Variants in PCDH15 observed in about 807,000 individuals in gnomAD.
The protein encoded by PCDH15 is protocadherin related 15, also known as protocadherin-15.
A neutral mutation model predicts 178.5 loss-of-function variants in PCDH15; 129 were observed. The ratio of observed to expected loss-of-function variants is 0.72; its 90% confidence interval spans 0.63 to 0.84. PCDH15 has a LOEUF of 0.84. PCDH15 is among the 40% of genes least tolerant of loss of function. The pLI is 0.00. For missense variants in PCDH15, 2,230 were observed against 2,099.9 expected, an observed-to-expected ratio of 1.06 and a Z score of -1.21; for synonymous variants, 800 against 732.0, an observed-to-expected ratio of 1.09 and a Z score of -1.50.
intron 2 of PCDH15, among the ~76,000 whole-genome samples, chr10:55,139,643 G>A (rs1422493803): frequency 1.3e-5 from 2 of 151,818 alleles, no homozygotes; most frequent in Non-Finnish European, 2.9e-5. Context: ...CTGTTCCATC[G>A]ATCTGCAGAT....
chr10:54,916,365 G>A (rs995682), intron 2 of PCDH15, among the ~76,000 whole-genome samples: 148,901 of 152,230 alleles, frequency 0.98, 72,906 homozygotes, highest in East Asian at 1. Context: ...TCTTTTTAGT[G>A]AAACTTAAAT....
chr10:54,361,520 T>A (rs1946045820), intron 5 of PCDH15, among the ~76,000 whole-genome samples: 1 of 150,726 alleles, frequency 6.6e-6, no homozygotes, highest in South Asian at 2.1e-4. Flanking sequence ...CCTTTAACCT[T>A]TAATAACTAC....
intron 3 of PCDH15, among the ~76,000 whole-genome samples, chr10:54,871,462 C>G (rs1389601140): frequency 6.6e-6 from 1 of 150,498 alleles, no homozygotes; most frequent in African/African-American, 2.4e-5. Context: ...ACGTTACCAG[C>G]TTAACATCCC....
intron 2 of PCDH15, among the ~76,000 whole-genome samples, chr10:55,558,315 A>G (rs1249384350): frequency 1.3e-5 from 2 of 152,122 alleles, no homozygotes; most frequent in Non-Finnish European, 2.9e-5. Flanking sequence ...TGATCATCTT[A>G]TTTTTAAAGA....
intron 2 of PCDH15, among the ~76,000 whole-genome samples, chr10:55,489,919 T>C (rs1840375897): frequency 6.6e-6 from 1 of 151,632 alleles, no homozygotes; most frequent in South Asian, 2.1e-4. Context: ...GAAAGAAGTG[T>C]CCAAGTTTAA....
chr10:54,174,587 AGGT>A (rs1266261597), intron 13 of PCDH15, among the ~76,000 whole-genome samples: 1 of 151,752 alleles, frequency 6.6e-6, no homozygotes, highest in Admixed American at 6.6e-5. Context: ...AATTGGTAGG[AGGT>A]GGTAATAGAT....
At chr10:54,542,041 TTTAA>T (rs1201389512) in intron 2 of PCDH15, among the ~76,000 whole-genome samples, 4 of 152,220 alleles carry the variant, frequency 2.6e-5, no homozygotes, top group African/African-American at 4.8e-5. Flanking sequence ...ATTATAAGCA[TTTAA>T]TTACTTATTA....
At chr10:55,620,398 C>T (rs1000323223) in intron 2 of PCDH15, among the ~76,000 whole-genome samples, 1 of 151,758 alleles carries the variant, frequency 6.6e-6, no homozygotes, top group African/African-American at 2.4e-5. Context: ...ATTATATTCC[C>T]TCACATTTGT....
intron 3 of PCDH15, among the ~76,000 whole-genome samples, chr10:54,495,334 G>A (rs1255478801): frequency 6.6e-6 from 1 of 152,100 alleles, no homozygotes; most frequent in East Asian, 1.9e-4. Flanking sequence ...GCAAATTTGA[G>A]TTTAAATCCC....
intron 3 of PCDH15, among the ~76,000 whole-genome samples, chr10:54,820,676 A>G (rs911560420): frequency 2.0e-5 from 3 of 152,086 alleles, no homozygotes; most frequent in Admixed American, 2.0e-4. Flanking sequence ...ACCATAAAGC[A>G]ATGCGTAGTT....
At chr10:55,259,367 T>C (rs1842090966) in intron 1 of PCDH15, among the ~76,000 whole-genome samples, 1 of 151,646 alleles carries the variant, frequency 6.6e-6, no homozygotes, top group East Asian at 1.9e-4. Flanking sequence ...GAAAAGAAAA[T>C]GGGAATGCAA....
intron 16 of PCDH15, among the ~76,000 whole-genome samples, chr10:54,089,190 T>C (rs2094560774): frequency 6.6e-6 from 1 of 152,224 alleles, no homozygotes; most frequent in Non-Finnish European, 1.5e-5. Context: ...TGTTTTGGCA[T>C]TATGCCCCAC....
At chr10:54,813,718 T>C (rs1952902755) in intron 3 of PCDH15, among the ~76,000 whole-genome samples, 1 of 152,210 alleles carries the variant, frequency 6.6e-6, no homozygotes, top group African/African-American at 2.4e-5. Context: ...TCTACCACTG[T>C]TTCTCTTCAA....
intron 2 of PCDH15, among the ~76,000 whole-genome samples, chr10:55,416,015 G>C (rs1309044862): frequency 6.7e-6 from 1 of 149,952 alleles, no homozygotes; most frequent in Non-Finnish European, 1.5e-5. Context: ...AACCCACACT[G>C]TTAAAAGCTT....
chr10:54,475,449 T>C (rs2078211577), intron 3 of PCDH15, among the ~76,000 whole-genome samples: 1 of 151,988 alleles, frequency 6.6e-6, no homozygotes, highest in Admixed American at 6.6e-5. Context: ...AATTCTTACT[T>C]GCAAGATCCC....
chr10:54,681,362 A>G (rs550647957), intron 1 of PCDH15, among the ~76,000 whole-genome samples: 24 of 152,320 alleles, frequency 1.6e-4, no homozygotes, highest in African/African-American at 5.5e-4. Context: ...GCACTAACAT[A>G]GGCTATCTAC....
chr10:54,243,256 TC>T (rs1464405868), intron 8 of PCDH15, among the ~76,000 whole-genome samples: 1 of 152,200 alleles, frequency 6.6e-6, no homozygotes, highest in African/African-American at 2.4e-5. Context: ...ACGCCTGTAA[TC>T]CCAGCACTTT....
At chr10:54,004,184 T>C (rs1385776688) in intron 20 of PCDH15, among the ~76,000 whole-genome samples, 1 of 152,096 alleles carries the variant, frequency 6.6e-6, no homozygotes. Context: ...ACTCCCATAC[T>C]GAATGAGGAA....
At chr10:55,318,258 G>T (rs1369484290) in intron 1 of PCDH15, among the ~76,000 whole-genome samples, 2 of 152,136 alleles carry the variant, frequency 1.3e-5, no homozygotes, top group African/African-American at 2.4e-5. Flanking sequence ...ATGAGTATGT[G>T]TTGGGGGCAG....
Sources: gnomAD v4.1 joint callset for allele counts (sites outside exome capture counted in the v4.1 genomes callset) on GRCh38, gnomAD v4.1.1 for gene constraint, MANE v1.5 for transcripts, NCBI Gene and HGNC (gene_info 2026-07-23, HGNC 2026-07-21) for gene names.